Variants in PTGES3L observed in about 807,000 individuals in gnomAD.
PTGES3L encodes the protein prostaglandin E synthase 3 like.
PTGES3L carries 17 observed loss-of-function variants against 25.0 expected under a neutral mutation model. That is an observed-to-expected ratio of 0.68 (90% CI 0.47 to 1.02). The LOEUF is 1.02. PTGES3L is among the 50% of genes least tolerant of loss of function. The probability of loss-of-function intolerance (pLI) is 0.00; values close to 1 mark genes in which losing one functional copy is unlikely to be tolerated. For synonymous variants in PTGES3L, 59 were observed against 65.7 expected (o/e 0.90, Z 0.50); for missense variants, 202 against 197.5 (o/e 1.02, Z -0.14).
chr17:42,974,074 G>A (rs2049910852), intron 4 of PTGES3L, among the ~76,000 whole-genome samples: 1 of 151,988 alleles, frequency 6.6e-6, no homozygotes, highest in Non-Finnish European at 1.5e-5. Context: ...CAGACAAGCT[G>A]CAGCCAGGCG....
chr17:42,979,095 A>G (rs1261758022), intron 4 of PTGES3L, 75 bp downstream of exon 4: 358 of 1,507,134 alleles, frequency 2.4e-4, no homozygotes, highest in Middle Eastern at 1.7e-4. Context: ...TATTGGCTGG[A>G]AAGGAGGCAA....
chr17:42,979,656 C>G lies in PTGES3L; in HGVS notation c.16G>C (p.Ala6Pro), dbSNP rs1047164843. The G allele has an allele frequency of 6.2e-7, 1 of 1,613,952 alleles. No homozygotes were observed. ...GGCCTGTCGTACCACAAGGTCCGGG[C>G]GTGCTGCCTGAAGAGAAGTTGAGGT... is the stretch of plus-strand genomic sequence containing the variant. MARQH[A>P]RTLWYDRPRY... Residue 6 changes from alanine to proline, a missense_variant, in exon 2 of 7, where the codon GCC (alanine) becomes CCC (proline). Ala to Pro is a conservative substitution (Grantham distance 27, BLOSUM62 -1). Coordinates refer to ENST00000591916, the MANE Select transcript of PTGES3L (RefSeq NM_001261430.2).
intron 4 of PTGES3L, 27 bp from the exon 5 acceptor site, chr17:42,971,723 A>G: frequency 6.2e-7 from 1 of 1,613,006 alleles, no homozygotes; most frequent in Non-Finnish European, 8.5e-7. Context: ...CAAGAGTCAC[A>G]GGCCAGGAGG....
At chr17:42,970,381 T>A (rs753849383) in intron 5 of PTGES3L, 39 bp from the exon 6 acceptor site, 12 of 1,611,364 alleles carry the variant, frequency 7.4e-6, no homozygotes, top group Non-Finnish European at 1.0e-5. Context: ...GAGAAGGGAG[T>A]GAAGGAAGAA....
intron 2 of PTGES3L, 52 bp downstream of exon 2, chr17:42,979,498 G>A: frequency 1.9e-6 from 3 of 1,614,162 alleles, no homozygotes; most frequent in Non-Finnish European, 2.5e-6. Context: ...GGGGACATTA[G>A]GAAAGGGGTA....
At chr17:42,980,005 G>A (rs1369272138) in intron 1 of PTGES3L, 41 bp downstream of exon 1, 1 of 1,529,596 alleles carries the variant, frequency 6.5e-7, no homozygotes, top group East Asian at 2.5e-5. Flanking sequence ...GAATCTCCAG[G>A]GAAAAGGGCC....
At chr17:42,978,105 A>AC (rs2049996142) in intron 4 of PTGES3L, among the ~76,000 whole-genome samples, 1 of 147,628 alleles carries the variant, frequency 6.8e-6, no homozygotes, top group African/African-American at 2.5e-5. Flanking sequence ...AAAAAACAGA[A>AC]AGAAAAAAGA....
intron 4 of PTGES3L, among the ~76,000 whole-genome samples, chr17:42,973,022 T>G (rs964466688): frequency 7.1e-6 from 1 of 140,342 alleles, no homozygotes; most frequent in Admixed American, 7.1e-5. Context: ...CGACCCCGTC[T>G]GGGAGGTGAG....
chr17:42,973,802 CGTT>C (rs1567723707), intron 4 of PTGES3L, among the ~76,000 whole-genome samples: 3 of 147,452 alleles, frequency 2.0e-5, no homozygotes, highest in Non-Finnish European at 4.5e-5. Flanking sequence ...GCAGCATGCT[CGTT>C]AAGAGTCATC....
intron 4 of PTGES3L, among the ~76,000 whole-genome samples, chr17:42,976,584 T>C (rs915692148): frequency 6.6e-6 from 1 of 152,068 alleles, no homozygotes; most frequent in Non-Finnish European, 1.5e-5. Context: ...TTCACTATGT[T>C]GTCTGGGCTG....
At chr17:42,972,810 G>C (rs1460775464) in intron 4 of PTGES3L, among the ~76,000 whole-genome samples, 1 of 148,718 alleles carries the variant, frequency 6.7e-6, no homozygotes, top group Non-Finnish European at 1.5e-5. Flanking sequence ...GAGCCCCTCT[G>C]CCTGGCTGCC....
intron 4 of PTGES3L, among the ~76,000 whole-genome samples, chr17:42,975,491 G>A (rs2049938213): frequency 6.6e-6 from 1 of 152,130 alleles, no homozygotes; most frequent in South Asian, 2.1e-4. Context: ...CAGAGAGTGT[G>A]GGATGTGCTA....
Position 42,969,201 on chromosome 17 carries a change from G to GCAA in PTGES3L, c.433-16_433-15insTTG. On this transcript the variant is annotated splice_polypyrimidine_tract_variant and intron_variant, in intron 6 of 6. Transcript: ENST00000591916. ...TCAGAATCATCCTGGGGGCGGGGGG[G>GCAA]AAAAAAGACAAAGCACCTGTAGACC... 7.3e-7 allele frequency: 1 copy of GCAA among 1,363,976 alleles called. No individual in the cohort carries two copies. Among genetic ancestry groups the GCAA allele is most frequent in the Non-Finnish European group, 1.0e-6 (1 of 990,380 alleles). 84.5% of individuals were successfully genotyped at this position (1,363,976 alleles called of 1,614,324 possible). A position where few individuals can be genotyped will look rare whatever the true frequency, so the allele number is the denominator to read the frequency against.
At chr17:42,974,590 T>G (rs553466350) in intron 4 of PTGES3L, among the ~76,000 whole-genome samples, 14 of 151,804 alleles carry the variant, frequency 9.2e-5, no homozygotes, top group African/African-American at 3.4e-4. Context: ...CTGGCCAACA[T>G]GGTGAAACCC....
intron 4 of PTGES3L, among the ~76,000 whole-genome samples, chr17:42,972,757 T>C (rs1211400393): frequency 2.2e-3 from 335 of 151,546 alleles, no homozygotes; most frequent in Middle Eastern, 6.8e-3. Flanking sequence ...GTCTGGGAAG[T>C]GAGGAGTGTC....
chr17:42,970,676 G>GCACACACACACACACACACACACA (rs57542042), intron 5 of PTGES3L, among the ~76,000 whole-genome samples: 2 of 144,192 alleles, frequency 1.4e-5, no homozygotes, highest in Admixed American at 7.0e-5. Flanking sequence ...CTTAACACGC[G>GCACACACACACACACACACACACA]CACACACACA....
At chr17:42,973,006 C>T (rs866720803) in intron 4 of PTGES3L, among the ~76,000 whole-genome samples, 13 of 148,510 alleles carry the variant, frequency 8.8e-5, no homozygotes, top group Middle Eastern at 3.5e-3. Context: ...CGCCTCTGCC[C>T]GGCCGCGACC....
In PTGES3L at chr17:42,974,424, T is replaced by C. The variant is rs190162493; in HGVS notation, c.289-2728A>G. On this transcript the variant is annotated intron_variant, in intron 4 of 6. Transcript: ENST00000591916. The stretch of plus-strand genomic sequence containing the variant: ...GTCAGAGACAGCCCTTCAAGGTCCA[T>C]GTTCCAAAGTTTCCACATTTATACA... 2.7e-4 allele frequency among the ~76,000 whole-genome samples: 41 copies of C among 151,190 alleles called. 1 individual carries two copies. Among genetic ancestry groups the C allele is most frequent in the African/African-American group, 9.5e-4 (39 of 41,144 alleles).
At position 42,979,638 on chromosome 17, in the gene PTGES3L, C is replaced by G; in HGVS notation, c.34G>C (p.Asp12His). 6.2e-7 allele frequency: 1 copy of G among 1,614,114 alleles called. No homozygotes were observed. The highest frequency in any genetic ancestry group is 8.5e-7 in the Non-Finnish European group (1 of 1,180,036). ...TCCATGAACACATACCTGGGCCTGT[C>G]GTACCACAAGGTCCGGGCGTGCTGC... ...ARQHARTLWY[D>H]RPRYVFMEFC... Residue 12 changes from aspartate (D) to histidine (H), a missense_variant, in exon 2 of 7, where the codon GAC becomes CAC. Physicochemically the swap from Asp to His is moderately conservative, Grantham distance 81. Coordinates refer to ENST00000591916, the MANE Select transcript of PTGES3L (RefSeq NM_001261430.2).
Sources: gnomAD v4.1 joint callset for allele counts (sites outside exome capture counted in the v4.1 genomes callset) on GRCh38, gnomAD v4.1.1 for gene constraint, MANE v1.5 for transcripts, NCBI Gene and HGNC (gene_info 2026-07-23, HGNC 2026-07-21) for gene names.